ZNF516: variants seen among roughly 807,000 people sequenced by gnomAD.
ZNF516 encodes zinc finger protein 516.
ZNF516 carries 19 observed loss-of-function variants against 79.7 expected under a neutral mutation model. That is an observed-to-expected ratio of 0.24 (90% confidence interval 0.17 to 0.35). ZNF516 has a LOEUF of 0.35. Ranked by LOEUF, ZNF516 falls within the 10% of genes least tolerant of loss-of-function variation. ZNF516 has a pLI of 1.00. For missense variants in ZNF516, 1,678 were observed against 1,679.5 expected (o/e 1.00, Z 0.02); for synonymous variants, 877 against 739.5 (o/e 1.19, Z -3.02).
chr18:76,430,644 T>G (rs73975427), intron 3 of ZNF516, among the ~76,000 whole-genome samples: 2,738 of 152,290 alleles, frequency 0.018, 64 homozygotes, highest in African/African-American at 0.062. Context: ...AATGGCACCG[T>G]GGAATTATCA....
chr18:76,395,230 G>A (rs1296157975), intron 3 of ZNF516, among the ~76,000 whole-genome samples: 2 of 152,198 alleles, frequency 1.3e-5, no homozygotes, highest in African/African-American at 4.8e-5. Context: ...CTGCCGCAGG[G>A]CCTCTGCGCT....
intron 6 of ZNF516, among the ~76,000 whole-genome samples, chr18:76,366,225 C>T (rs1333846408): frequency 6.6e-6 from 1 of 152,166 alleles, no homozygotes; most frequent in Non-Finnish European, 1.5e-5. Flanking sequence ...ATTTACCTGG[C>T]CCTCGTGCCT....
chr18:76,364,445 GAA>G (rs2074584140), intron 6 of ZNF516, among the ~76,000 whole-genome samples: 1 of 152,170 alleles, frequency 6.6e-6, no homozygotes, highest in Non-Finnish European at 1.5e-5. Context: ...TCCTGGAAGG[GAA>G]AGAGTAGTCA....
intron 3 of ZNF516, among the ~76,000 whole-genome samples, chr18:76,392,729 A>G (rs7505516): frequency 0.13 from 179 of 1,364 alleles, 6 homozygotes; most frequent in East Asian, 0.19. Flanking sequence ...AAGGCAGGTG[A>G]CCAGGTGGGG....
At chr18:76,438,872 G>A (rs1343268333) in intron 3 of ZNF516, among the ~76,000 whole-genome samples, 1 of 152,186 alleles carries the variant, frequency 6.6e-6, no homozygotes. Context: ...CCACAGGCAG[G>A]CTGGCTGCTG....
chr18:76,479,677 C>T (rs1445360783), intron 1 of ZNF516, among the ~76,000 whole-genome samples: 3 of 152,246 alleles, frequency 2.0e-5, no homozygotes, highest in African/African-American at 7.2e-5. Context: ...AAATGCTGCA[C>T]CAGTGGAGAC....
chr18:76,410,384 C>T lies in ZNF516; in HGVS notation c.1811-30081G>A, dbSNP rs150626269. ...TCTCAAGAAGCGGTTTTGACTGTGG[C>T]TTCTTCCTTTCAGCACAAAGAAAAC... On this transcript the variant is annotated intron_variant, in intron 3 of 6. Transcript: ENST00000443185. Among the ~76,000 whole-genome samples the T allele has an allele frequency of 1.3e-3, 193 of 152,336 alleles. 1 individual carries two copies. Among genetic ancestry groups the T allele is most frequent in the Middle Eastern group, 6.8e-3 (2 of 294 alleles).
chr18:76,407,989 G>C (rs2075324341), intron 3 of ZNF516, among the ~76,000 whole-genome samples: 1 of 152,210 alleles, frequency 6.6e-6, no homozygotes, highest in Non-Finnish European at 1.5e-5. Flanking sequence ...CACCCTCTTG[G>C]TGCAGCCCGC....
At chr18:76,470,109 A>C (rs1485066158) in intron 1 of ZNF516, among the ~76,000 whole-genome samples, 1 of 152,224 alleles carries the variant, frequency 6.6e-6, no homozygotes, top group Admixed American at 6.5e-5. Context: ...AAACAAAACA[A>C]ACCAAAACAC....
chr18:76,493,478 G>C lies in ZNF516; in HGVS notation c.-272+1666C>G, dbSNP rs967655067. On this transcript the variant is annotated intron_variant, in intron 1 of 6. Transcript: ENST00000443185. The surrounding 1 kb of genome is among the most constrained non-coding windows in gnomAD (Gnocchi z 5.2). Reference sequence around the variant, plus strand: ...CTCGTTCCTAATTTATGAACTCGCCGTTTTGATTTTATTATTTAAGCATGC... The same window carrying C: ...CTCGTTCCTAATTTATGAACTCGCCCTTTTGATTTTATTATTTAAGCATGC... 12 of 152,434 alleles carry C rather than the reference G, an allele frequency of 7.9e-5. No homozygotes were observed. The highest frequency in any genetic ancestry group is 2.0e-4 in the Admixed American group (3 of 15,302). 9.4% of individuals were successfully genotyped at this position (152,434 alleles called of 1,614,324 possible). A position where few individuals can be genotyped will look rare whatever the true frequency, so the allele number is the denominator to read the frequency against.
intron 6 of ZNF516, among the ~76,000 whole-genome samples, chr18:76,366,271 A>G (rs1219396690): frequency 6.6e-6 from 1 of 152,180 alleles, no homozygotes; most frequent in East Asian, 1.9e-4. Context: ...GGTATATCAC[A>G]ATTTCTCAGA....
At chr18:76,415,235 A>G (rs1357341839) in intron 3 of ZNF516, among the ~76,000 whole-genome samples, 1 of 152,194 alleles carries the variant, frequency 6.6e-6, no homozygotes, top group African/African-American at 2.4e-5. Context: ...AAAAGAAAAG[A>G]AAAAGAAAAT....
rs188528603 is a variant in ZNF516 at position 76,447,772 on chromosome 18, G to A, written c.-157-4561C>T. Among the ~76,000 whole-genome samples the A allele has an allele frequency of 8.7e-4, 132 of 152,230 alleles. 1 individual carries two copies. The highest frequency in any genetic ancestry group is 1.5e-3 in the Non-Finnish European group (103 of 68,022). ...AGATGTATTACAAACTTTTTCCAAG[G>A]CTGGAACTGGGAACATGCCAGACAA... On this transcript the variant is annotated intron_variant, in intron 2 of 6. Coordinates refer to ENST00000443185, the MANE Select transcript of ZNF516 (RefSeq NM_014643.4).
intron 3 of ZNF516, among the ~76,000 whole-genome samples, chr18:76,399,371 G>A (rs1437992885): frequency 6.6e-6 from 1 of 152,130 alleles, no homozygotes; most frequent in African/African-American, 2.4e-5. Context: ...AAATGCAGAG[G>A]GCTTTAAATT....
intron 6 of ZNF516, 89 bp from the exon 7 acceptor site, chr18:76,362,646 C>A: frequency 1.5e-6 from 2 of 1,301,234 alleles, no homozygotes; most frequent in Non-Finnish European, 2.2e-6. Context: ...TTCTAATCAA[C>A]ATCCAAGAAC....
intron 1 of ZNF516, among the ~76,000 whole-genome samples, chr18:76,480,500 C>T (rs1036906243): frequency 4.2e-5 from 3 of 71,922 alleles, no homozygotes; most frequent in African/African-American, 2.1e-4. Context: ...CACATACACA[C>T]ACACACACAC....
At chr18:76,455,435 G>A (rs886209986) in intron 2 of ZNF516, among the ~76,000 whole-genome samples, 1 of 152,166 alleles carries the variant, frequency 6.6e-6, no homozygotes, top group Middle Eastern at 3.2e-3. Flanking sequence ...AGTTGTGCAA[G>A]GCACTGCTCA....
At chr18:76,414,658 TTAAGAA>T (rs1177378972) in intron 3 of ZNF516, among the ~76,000 whole-genome samples, 2 of 152,278 alleles carry the variant, frequency 1.3e-5, no homozygotes, top group African/African-American at 4.8e-5. Context: ...AAAGGCTCAA[TTAAGAA>T]TAATTATGTG....
rs1915352861 is a variant in ZNF516, at chr18:76,493,475, GC to G, written c.-272+1668del. 6.6e-6 allele frequency: 1 copy of G among 152,298 alleles called. No individual in the cohort carries two copies. Among genetic ancestry groups the G allele is most frequent in the African/African-American group, 2.4e-5 (1 of 41,436 alleles). The allele number at this position is 152,298 out of a possible 1,614,324, so 9.4% of individuals were successfully genotyped here. A position where few individuals can be genotyped will look rare whatever the true frequency, so the allele number is the denominator to read the frequency against. Reference sequence around the variant, plus strand: ...ACACTCGTTCCTAATTTATGAACTCGCCGTTTTGATTTTATTATTTAAGCAT... The same window carrying G: ...ACACTCGTTCCTAATTTATGAACTCGCGTTTTGATTTTATTATTTAAGCAT... On this transcript the variant is annotated intron_variant, in intron 1 of 6. Transcript: ENST00000443185. The surrounding 1 kb of genome is among the most constrained non-coding windows in gnomAD (Gnocchi z 5.2).
Sources: gnomAD v4.1 joint callset for allele counts (sites outside exome capture counted in the v4.1 genomes callset) on GRCh38, gnomAD v4.1.1 for gene constraint, Gnocchi (gnomAD v3.1) non-coding constraint, MANE v1.5 for transcripts, NCBI Gene and HGNC (gene_info 2026-07-23, HGNC 2026-07-21) for gene names.